The following TMEM117 variants were observed in gnomAD, a reference collection of about 807,000 sequenced individuals.
TMEM117 encodes transmembrane protein 117.
A neutral mutation model predicts 52.4 loss-of-function variants in TMEM117; 27 were observed. The ratio of observed to expected loss-of-function variants is 0.51; its 90% confidence interval spans 0.38 to 0.71. The LOEUF is 0.71. Ranked by LOEUF, TMEM117 falls within the 30% of genes least tolerant of loss-of-function variation. TMEM117 has a pLI of 0.00. For synonymous variants in TMEM117, 215 were observed against 206.3 expected (o/e 1.04, Z -0.36); for missense variants, 556 against 630.5 (o/e 0.88, Z 1.26).
chr12:44,299,027 C>G (rs1245235297), intron 5 of TMEM117, among the ~76,000 whole-genome samples: 6 of 150,590 alleles, frequency 4.0e-5, no homozygotes. Context: ...ACTTACTGCA[C>G]TAACCAAAGT....
intron 5 of TMEM117, among the ~76,000 whole-genome samples, chr12:44,231,894 G>A (rs528784702): frequency 6.6e-6 from 1 of 151,692 alleles, no homozygotes; most frequent in African/African-American, 2.4e-5. Flanking sequence ...CTTCTTATGG[G>A]TTAAAGCATA....
chr12:44,173,387 A>T (rs534789936), intron 4 of TMEM117, among the ~76,000 whole-genome samples: 4 of 152,238 alleles, frequency 2.6e-5, no homozygotes, highest in African/African-American at 7.2e-5. Context: ...ACCTGTTCTT[A>T]TTTTATTAAT....
At chr12:43,917,483 C>T (rs1286634438) in intron 2 of TMEM117, among the ~76,000 whole-genome samples, 1 of 152,080 alleles carries the variant, frequency 6.6e-6, no homozygotes, top group African/African-American at 2.4e-5. Context: ...TATTATTACC[C>T]TCATTTTACA....
chr12:44,213,178 C>T (rs1949669681), intron 5 of TMEM117, among the ~76,000 whole-genome samples: 1 of 152,088 alleles, frequency 6.6e-6, no homozygotes, highest in Non-Finnish European at 1.5e-5. Flanking sequence ...GACTTTACAT[C>T]CTATATCTTT....
intron 3 of TMEM117, among the ~76,000 whole-genome samples, chr12:44,049,461 G>C (rs1427318517): frequency 5.3e-5 from 8 of 151,676 alleles, no homozygotes; most frequent in Non-Finnish European, 1.2e-4. Context: ...GGGTCAATAG[G>C]TACTGCAGAC....
In TMEM117 at chr12:44,326,208, A is replaced by G. The variant is rs777366252; in HGVS notation, c.768+26469A>G. On this transcript the variant is annotated intron_variant, in intron 6 of 7. Coordinates refer to ENST00000266534, the MANE Select transcript of TMEM117 (RefSeq NM_032256.3). ...TTTTGTTTTTTGTTTTTTGTTTTTT[A>G]TTTAAAAAAAAGAACCCTGGCTTCT... Among the ~76,000 whole-genome samples, 85 of 151,952 alleles carry G rather than the reference A, an allele frequency of 5.6e-4. 1 individual carries two copies. The highest frequency in any genetic ancestry group is 8.4e-4 in the Non-Finnish European group (57 of 67,960).
chr12:44,026,099 A>T (rs1946529881), intron 3 of TMEM117, among the ~76,000 whole-genome samples: 1 of 152,236 alleles, frequency 6.6e-6, no homozygotes, highest in South Asian at 2.1e-4. Flanking sequence ...ACCCTGTTAT[A>T]TGAATTATCA....
At chr12:43,890,159 A>G (rs1393612247) in intron 2 of TMEM117, among the ~76,000 whole-genome samples, 1 of 152,238 alleles carries the variant, frequency 6.6e-6, no homozygotes, top group East Asian at 1.9e-4. Context: ...ACTCATAAAA[A>G]GGAGAGAAGT....
intron 6 of TMEM117, among the ~76,000 whole-genome samples, chr12:44,309,671 C>T (rs529444698): frequency 2.6e-4 from 39 of 151,224 alleles, no homozygotes; most frequent in African/African-American, 9.5e-4. Context: ...CAAAACCTTC[C>T]AATAAGGATA....
intron 3 of TMEM117, among the ~76,000 whole-genome samples, chr12:43,992,356 T>C (rs1273236904): frequency 6.6e-6 from 1 of 151,906 alleles, no homozygotes; most frequent in African/African-American, 2.4e-5. Flanking sequence ...GCAGCCTCCA[T>C]TTCCCAGGCT....
chr12:44,124,328 T>C (rs1948287054), intron 3 of TMEM117, among the ~76,000 whole-genome samples: 1 of 152,180 alleles, frequency 6.6e-6, no homozygotes, highest in Non-Finnish European at 1.5e-5. Flanking sequence ...TTTCTAGATA[T>C]AGGATCATGT....
intron 6 of TMEM117, among the ~76,000 whole-genome samples, chr12:44,356,316 C>T (rs1271843239): frequency 2.6e-5 from 4 of 151,974 alleles, no homozygotes; most frequent in South Asian, 2.1e-4. Flanking sequence ...AGGAGCAAAC[C>T]GTTAAGCTCT....
Position 43,863,016 on chromosome 12 carries a change from C to T in TMEM117, c.277+18088C>T, listed in dbSNP as rs116861561. ...AACCAAGAAAAACAAAAACATTGGC[C>T]AGGCACAGTGGCTCACACCTGTAAT... On this transcript the variant is annotated intron_variant, in intron 2 of 7. Transcript: ENST00000266534. Among the ~76,000 whole-genome samples the T allele has an allele frequency of 7.7e-3, 1,173 of 151,898 alleles. 27 individuals carry two copies. Among genetic ancestry groups the T allele is most frequent in the East Asian group, 0.042 (218 of 5,164 alleles).
intron 2 of TMEM117, among the ~76,000 whole-genome samples, chr12:43,914,422 T>C (rs1378488719): frequency 6.6e-6 from 1 of 152,200 alleles, no homozygotes; most frequent in Non-Finnish European, 1.5e-5. Context: ...AAGTCTGATC[T>C]GGCAATTGAA....
intron 4 of TMEM117, among the ~76,000 whole-genome samples, chr12:44,157,150 T>C (rs543377626): frequency 6.6e-6 from 1 of 152,302 alleles, no homozygotes; most frequent in African/African-American, 2.4e-5. Context: ...TAAAGTGTCA[T>C]CTACATAAAC....
chr12:44,095,878 A>G (rs1171221879), intron 3 of TMEM117, among the ~76,000 whole-genome samples: 1 of 152,158 alleles, frequency 6.6e-6, no homozygotes, highest in Non-Finnish European at 1.5e-5. Flanking sequence ...GCAATTAGGC[A>G]GGAGAAGGAA....
At chr12:44,308,113 T>C (rs1396131954) in intron 6 of TMEM117, among the ~76,000 whole-genome samples, 2 of 152,244 alleles carry the variant, frequency 1.3e-5, no homozygotes, top group Non-Finnish European at 2.9e-5. Context: ...AAGTGGAAAA[T>C]AGAGACATTC....
chr12:44,383,959 A>G (rs1237330789), intron 7 of TMEM117, among the ~76,000 whole-genome samples: 2 of 152,168 alleles, frequency 1.3e-5, no homozygotes, highest in African/African-American at 2.4e-5. Context: ...GGCAATGTTT[A>G]TTTCACAGAC....
At chr12:44,166,808 G>C (rs1268917242) in intron 4 of TMEM117, among the ~76,000 whole-genome samples, 2 of 152,144 alleles carry the variant, frequency 1.3e-5, no homozygotes, top group Admixed American at 1.3e-4. Context: ...AATTCTCCAA[G>C]TATTCCTGTC....
Sources: allele counts gnomAD v4.1 joint callset (sites outside exome capture counted in the v4.1 genomes callset), GRCh38; gene constraint gnomAD v4.1.1; transcripts MANE v1.5; gene names NCBI Gene and HGNC (gene_info 2026-07-23, HGNC 2026-07-21).